Variants in TBC1D25 observed in about 807,000 individuals in gnomAD.
TBC1D25 encodes the protein 5SN3 snoRNA.
A neutral mutation model predicts 38.8 loss-of-function variants in TBC1D25; 13 were observed. That is an observed-to-expected ratio of 0.34 (90% CI 0.22 to 0.53). TBC1D25 has a LOEUF of 0.53. Ranked by LOEUF, TBC1D25 falls within the 20% of genes least tolerant of loss-of-function variation. TBC1D25 has a pLI of 0.94. For missense variants in TBC1D25, 372 were observed against 600.0 expected (o/e 0.62, Z 3.97); for synonymous variants, 225 against 255.6 (o/e 0.88, Z 1.14).
At chrX:48,554,386 C>G (rs782310273) in intron 3 of TBC1D25, among the ~76,000 whole-genome samples, 2 of 109,461 alleles carry the variant, frequency 1.8e-5, no homozygotes, top group Admixed American at 2.0e-4. Flanking sequence ...CCTGTCTTTA[C>G]TAAAAATACA....
intron 3 of TBC1D25, among the ~76,000 whole-genome samples, chrX:48,548,056 A>G (rs1017278081): frequency 9.3e-6 from 1 of 107,925 alleles, no homozygotes; most frequent in Non-Finnish European, 1.9e-5. Flanking sequence ...AGCCAATTCT[A>G]TGTTGTTTTA....
chrX:48,554,417 G>A (rs892149083), intron 3 of TBC1D25, among the ~76,000 whole-genome samples: 6 of 107,243 alleles, frequency 5.6e-5, no homozygotes, highest in Non-Finnish European at 9.6e-5. Context: ...AAAATTAGCC[G>A]GGCGTGGTGG....
chrX:48,540,480 T>C (rs1380511417), intron 1 of TBC1D25, among the ~76,000 whole-genome samples: 1 of 111,955 alleles, frequency 8.9e-6, no homozygotes, highest in Non-Finnish European at 1.9e-5. Context: ...GAGTCAGCCA[T>C]GTGCATATTA....
intron 3 of TBC1D25, among the ~76,000 whole-genome samples, chrX:48,551,547 C>T (rs1187404957): frequency 9.1e-6 from 1 of 110,317 alleles, no homozygotes; most frequent in Non-Finnish European, 1.9e-5. Context: ...AGGACGGTCT[C>T]GATCTCTTGA....
chrX:48,549,104 C>T (rs933503915), intron 3 of TBC1D25, among the ~76,000 whole-genome samples: 7 of 112,664 alleles, frequency 6.2e-5, no homozygotes, highest in Admixed American at 2.8e-4. Context: ...AATGCAGTGA[C>T]GCAAATATGG....
rs1569483772 is a variant in TBC1D25, at chrX:48,559,280, G to A, written c.639G>A (p.Gln213=). The A allele has an allele frequency of 8.3e-7, 1 of 1,211,225 alleles. No homozygotes were observed. Among genetic ancestry groups the A allele is most frequent in the Non-Finnish European group, 1.1e-6 (1 of 895,277 alleles). The change falls in exon 5 of 6, where the codon CAG becomes CAA. Residue 213 remains glutamine, a synonymous_variant. Transcript: ENST00000376771. The part of the protein sequence containing the change: ...EFHTYLNHEG[Q]LSRPEELRLR... Reference sequence around the variant, plus strand: ...ACACGTACCTGAACCACGAGGGCCAGCTCTCCCGACCCGAGGAGTTGCGCC... The same window carrying A: ...ACACGTACCTGAACCACGAGGGCCAACTCTCCCGACCCGAGGAGTTGCGCC...
At position 48,561,130 on chromosome X, in the gene TBC1D25, G is replaced by C. The variant is rs1165071863; in HGVS notation, c.*155G>C. ...CCCAGGCCTAAGTATGTGGAGCTCTGCTTTGGCACTGCCCCGCAGAGGCCA... is the reference window on the plus strand; with the variant it reads ...CCCAGGCCTAAGTATGTGGAGCTCTCCTTTGGCACTGCCCCGCAGAGGCCA... On this transcript the variant is annotated 3_prime_UTR_variant, in exon 6 of 6. Coordinates refer to ENST00000376771, the MANE Select transcript of TBC1D25 (RefSeq NM_002536.4). The C allele has an allele frequency of 3.3e-6, 2 of 611,802 alleles. No individual in the cohort carries two copies. The highest frequency in any genetic ancestry group is 4.5e-5 in the African/African-American group (2 of 44,266). The allele number at this position is 611,802 out of a possible 1,213,427, so 50.4% of individuals were successfully genotyped here. A position where few individuals can be genotyped will look rare whatever the true frequency, so the allele number is the denominator to read the frequency against.
chrX:48,558,085 T>C (rs2061990559), intron 3 of TBC1D25, among the ~76,000 whole-genome samples: 1 of 98,883 alleles, frequency 1.0e-5, no homozygotes, highest in Non-Finnish European at 2.0e-5. Context: ...CATTCCACCC[T>C]CGGTTACAGA....
Position 48,560,399 on chromosome X carries a change from TG to T in TBC1D25, c.1497del (p.Arg500ValfsTer3). ...CCACAGCCAGTCAGGGGCCTGGTGG[TG>T]GGGGGCGTCTCCTGAGACAGGCCAG... ...LATASQGPGGGGRLLRQASLD... is the reference protein window; with the variant it reads ...LATASQGPGGXGRLLRQASLD... On this transcript the variant is annotated frameshift_variant, in exon 6 of 6. Coordinates refer to ENST00000376771, the MANE Select transcript of TBC1D25 (RefSeq NM_002536.4). LOFTEE classifies it high-confidence loss of function. 1 of 1,211,108 alleles carries T rather than the reference TG, an allele frequency of 8.3e-7. No homozygotes were observed. Among genetic ancestry groups the T allele is most frequent in the Non-Finnish European group, 1.1e-6 (1 of 895,279 alleles).
chrX:48,557,656 A>G (rs1183725878), intron 3 of TBC1D25, among the ~76,000 whole-genome samples: 1 of 109,942 alleles, frequency 9.1e-6, no homozygotes, highest in Non-Finnish European at 1.9e-5. Flanking sequence ...AAAAAAAAAA[A>G]AAATTAGCTG....
At chrX:48,553,649 C>T (rs1556983879) in intron 3 of TBC1D25, among the ~76,000 whole-genome samples, 1 of 68,804 alleles carries the variant, frequency 1.5e-5, no homozygotes, top group African/African-American at 5.8e-5. Context: ...GAGGCAGGAT[C>T]TCTATTTCCC....
At chrX:48,551,138 G>A (rs1369335315) in intron 3 of TBC1D25, among the ~76,000 whole-genome samples, 3 of 111,539 alleles carry the variant, frequency 2.7e-5, no homozygotes, top group African/African-American at 9.7e-5. Flanking sequence ...TGAATATTAT[G>A]TAATACCACA....
At chrX:48,541,920 C>A (rs964590991) in intron 2 of TBC1D25, among the ~76,000 whole-genome samples, 2 of 111,716 alleles carry the variant, frequency 1.8e-5, no homozygotes, top group Non-Finnish European at 3.8e-5. Context: ...AGATGATTTT[C>A]CCAACTGTAG....
At position 48,559,619 on chromosome X, in the gene TBC1D25, G is replaced by A; in HGVS notation, c.711G>A (p.Val237=). The part of the protein sequence containing the change: ...GGVEPSLRKV[V]WRYLLNVYPD... ...TCCCTTTCACCCCTGGGCAGGTGGT[G>A]TGGCGGTACCTGCTGAACGTGTATC... The change falls in exon 6 of 6, where the codon GTG becomes GTA. Residue 237 remains valine (V), a synonymous_variant. Transcript: ENST00000376771. The A allele has an allele frequency of 8.3e-7, 1 of 1,207,777 alleles. No homozygotes were observed. Among genetic ancestry groups the A allele is most frequent in the Non-Finnish European group, 1.1e-6 (1 of 892,987 alleles).
chrX:48,539,921 G>C lies in TBC1D25; in HGVS notation c.123+1G>C. 1 of 953,032 alleles carries C rather than the reference G, an allele frequency of 1.0e-6. No individual in the cohort carries two copies. Among genetic ancestry groups the C allele is most frequent in the Non-Finnish European group, 1.3e-6 (1 of 760,035 alleles). The allele number at this position is 953,032 out of a possible 1,213,427, so 78.5% of individuals were successfully genotyped here. On this transcript the variant is annotated splice_donor_variant, in intron 1 of 5. Coordinates refer to ENST00000376771, the MANE Select transcript of TBC1D25 (RefSeq NM_002536.4). LOFTEE classifies it high-confidence loss of function. ...AGAGGTGGTGCGGGTCCGAGTCAAGGTGAGGCTGGCGGTGAGTCGGCCCAG... is the reference window on the plus strand; with the variant it reads ...AGAGGTGGTGCGGGTCCGAGTCAAGCTGAGGCTGGCGGTGAGTCGGCCCAG...
intron 3 of TBC1D25, among the ~76,000 whole-genome samples, chrX:48,558,359 T>G (rs1471942630): frequency 9.0e-6 from 1 of 110,933 alleles, no homozygotes; most frequent in East Asian, 2.8e-4. Context: ...AATATGAGAG[T>G]AGGAGTTTGG....
At chrX:48,542,321 A>G (rs2073344244) in intron 2 of TBC1D25, among the ~76,000 whole-genome samples, 1 of 107,600 alleles carries the variant, frequency 9.3e-6, no homozygotes, top group African/African-American at 3.4e-5. Context: ...GGCACGCACC[A>G]CCACGCCTGC....
At position 48,542,026 on chromosome X, in the gene TBC1D25, C is replaced by CTTT. The variant is rs782768482; in HGVS notation, c.233+599_233+601dup. ...GTTAAATGCATTTTCCTTTTTATTT[C>CTTT]TTTTTTTTTTTTTTTTTGAGATGGA... On this transcript the variant is annotated intron_variant, in intron 2 of 5. Transcript: ENST00000376771. 3.5e-3 allele frequency among the ~76,000 whole-genome samples: 303 copies of CTTT among 87,780 alleles called. 5 individuals carry two copies. Among genetic ancestry groups the CTTT allele is most frequent in the South Asian group, 0.023 (44 of 1,887 alleles). 76.2% of individuals were successfully genotyped at this position (87,780 alleles called of 115,157 possible). A position where few individuals can be genotyped will look rare whatever the true frequency, so the allele number is the denominator to read the frequency against.
chrX:48,547,870 G>A (rs997590028), intron 3 of TBC1D25, among the ~76,000 whole-genome samples: 5 of 105,198 alleles, frequency 4.8e-5, no homozygotes, highest in Non-Finnish European at 9.8e-5. Flanking sequence ...CCTGGGAGGC[G>A]GAGGTTGCAA....
Sources: gnomAD v4.1 joint callset for allele counts (sites outside exome capture counted in the v4.1 genomes callset) on GRCh38, gnomAD v4.1.1 for gene constraint, MANE v1.5 for transcripts, NCBI Gene and HGNC (gene_info 2026-07-23, HGNC 2026-07-21) for gene names.